HEMK2: variants seen among roughly 807,000 people sequenced by gnomAD.
The protein encoded by HEMK2 is methyltransferase HEMK2.
chr21:28,730,383 GACACACACACACACACACAC>G, the HEMK2 span, among the ~76,000 whole-genome samples: 1 of 115,832 alleles, frequency 8.6e-6, no homozygotes, highest in Non-Finnish European at 1.6e-5. Context: ...AACACACACA[GACACACACACACACACACAC>G]ACACACACAC....
chr21:28,667,757 C>T, the HEMK2 span, among the ~76,000 whole-genome samples: 1 of 152,072 alleles, frequency 6.6e-6, no homozygotes, highest in Admixed American at 6.6e-5. Context: ...TTCTGAAATC[C>T]ATCTTCTCAT....
At chr21:28,756,068 C>T in the HEMK2 span, among the ~76,000 whole-genome samples, 2 of 152,094 alleles carry the variant, frequency 1.3e-5, no homozygotes, top group East Asian at 1.9e-4. Flanking sequence ...TTCTCCATAA[C>T]TCCCTAACTC....
At chr21:28,701,272 A>AT in the HEMK2 span, among the ~76,000 whole-genome samples, 1 of 152,094 alleles carries the variant, frequency 6.6e-6, no homozygotes, top group East Asian at 1.9e-4. Flanking sequence ...CCTATTCAAC[A>AT]TAATACTAGA....
chr21:28,620,200 G>A, the HEMK2 span, among the ~76,000 whole-genome samples: 1 of 152,256 alleles, frequency 6.6e-6, no homozygotes, highest in Middle Eastern at 3.4e-3. Flanking sequence ...TCGCATCGAT[G>A]TTCATCAGGG....
the HEMK2 span, among the ~76,000 whole-genome samples, chr21:28,588,768 G>A: frequency 3.3e-5 from 5 of 152,004 alleles, no homozygotes; most frequent in Non-Finnish European, 7.4e-5. Flanking sequence ...CGGATCACAA[G>A]GTCAGGAGAT....
At chr21:28,644,192 C>T in the HEMK2 span, among the ~76,000 whole-genome samples, 2 of 152,042 alleles carry the variant, frequency 1.3e-5, no homozygotes, top group East Asian at 1.9e-4. Flanking sequence ...TGGTGGAAGG[C>T]GAAGGGGAAG....
the HEMK2 span, chr21:28,882,150 A>T: frequency 1.9e-6 from 3 of 1,563,450 alleles, no homozygotes; most frequent in South Asian, 3.6e-5. Context: ...CTGGACAAAG[A>T]TTATCTTACC....
At chr21:28,579,765 T>C in the HEMK2 span, among the ~76,000 whole-genome samples, 1 of 152,222 alleles carries the variant, frequency 6.6e-6, no homozygotes, top group Non-Finnish European at 1.5e-5. Flanking sequence ...ATCCAATTCC[T>C]TGCTCAGCAA....
the HEMK2 span, among the ~76,000 whole-genome samples, chr21:28,655,633 T>C: frequency 2.0e-5 from 3 of 152,000 alleles, no homozygotes; most frequent in Non-Finnish European, 4.4e-5. Flanking sequence ...CTCTCTAGGC[T>C]TGAATTTCCC....
At chr21:28,812,196 T>A in the HEMK2 span, among the ~76,000 whole-genome samples, 1 of 152,228 alleles carries the variant, frequency 6.6e-6, no homozygotes, top group Non-Finnish European at 1.5e-5. Context: ...TATTGAATGA[T>A]AGTATAATGG....
the HEMK2 span, among the ~76,000 whole-genome samples, chr21:28,668,986 G>A: frequency 6.6e-6 from 1 of 152,186 alleles, no homozygotes; most frequent in Non-Finnish European, 1.5e-5. Flanking sequence ...TCACTATTCA[G>A]AGCAGGTGCC....
the HEMK2 span, among the ~76,000 whole-genome samples, chr21:28,684,771 C>G: frequency 6.6e-6 from 1 of 152,214 alleles, no homozygotes; most frequent in East Asian, 1.9e-4. Context: ...GCTCCAAGCT[C>G]CTGGGTCGAA....
At chr21:28,742,358 T>G in the HEMK2 span, among the ~76,000 whole-genome samples, 6 of 152,084 alleles carry the variant, frequency 3.9e-5, no homozygotes, top group African/African-American at 9.7e-5. Flanking sequence ...CTCATCACTT[T>G]GCTGCCATAA....
At chr21:28,737,849 T>C in the HEMK2 span, among the ~76,000 whole-genome samples, 5 of 152,220 alleles carry the variant, frequency 3.3e-5, no homozygotes, top group Non-Finnish European at 1.5e-5. Flanking sequence ...TGTCCATTGC[T>C]GATTGGCAGC....
the HEMK2 span, among the ~76,000 whole-genome samples, chr21:28,806,345 A>T: frequency 6.6e-6 from 1 of 152,244 alleles, no homozygotes; most frequent in South Asian, 2.1e-4. Context: ...GCCATATGTA[A>T]CATGACTGTA....
At chr21:28,864,566 C>T in the HEMK2 span, among the ~76,000 whole-genome samples, 2 of 152,150 alleles carry the variant, frequency 1.3e-5, no homozygotes, top group Non-Finnish European at 2.9e-5. Flanking sequence ...AACTCTAGTT[C>T]ATTTCCTCTC....
chr21:28,690,090 T>C, the HEMK2 span, among the ~76,000 whole-genome samples: 12 of 152,220 alleles, frequency 7.9e-5, no homozygotes, highest in African/African-American at 2.4e-4. Context: ...AGAGTTTGTG[T>C]AGGGGAACTC....
chr21:28,588,902 G>C, the HEMK2 span, among the ~76,000 whole-genome samples: 5 of 149,544 alleles, frequency 3.3e-5, no homozygotes, highest in Non-Finnish European at 7.4e-5. Flanking sequence ...AGAATGGCAT[G>C]AACCCAGGAG....
chr21:28,642,721 G>A, the HEMK2 span, among the ~76,000 whole-genome samples: 4 of 152,320 alleles, frequency 2.6e-5, no homozygotes, highest in East Asian at 3.9e-4. Context: ...AGCCATCTCC[G>A]GCCAGGGCCC....
Sources: allele counts gnomAD v4.1 joint callset (sites outside exome capture counted in the v4.1 genomes callset), GRCh38; gene constraint gnomAD v4.1.1; transcripts MANE v1.5; gene names NCBI Gene and HGNC (gene_info 2026-07-23, HGNC 2026-07-21).